CAMTA1: variants seen among roughly 807,000 people sequenced by gnomAD.
CAMTA1 encodes calmodulin-binding transcription activator 1.
CAMTA1 carries 27 observed loss-of-function variants against 170.9 expected under a neutral mutation model. That is an observed-to-expected ratio of 0.16 (90% CI 0.12 to 0.22). CAMTA1 has a LOEUF of 0.22. Ranked by LOEUF, CAMTA1 falls within the 10% of genes least tolerant of loss-of-function variation. The pLI, the probability that CAMTA1 is intolerant of heterozygous loss-of-function variation, is 1.00. For missense variants in CAMTA1, 1,619 were observed against 2,217.2 expected, an observed-to-expected ratio of 0.73 and a Z score of 5.42; for synonymous variants, 833 against 891.5, an observed-to-expected ratio of 0.93 and a Z score of 1.17.
chr1:7,371,010 C>T (rs2086416366), intron 5 of CAMTA1, among the ~76,000 whole-genome samples: 1 of 150,070 alleles, frequency 6.7e-6, no homozygotes, highest in South Asian at 2.1e-4. Flanking sequence ...CTCCCAGGTT[C>T]ACACCATTCT....
rs572541100 is a variant in CAMTA1, at chr1:7,302,471, A to G, written c.438+52845A>G. Among the ~76,000 whole-genome samples the G allele has an allele frequency of 5.5e-4, 84 of 152,352 alleles. 1 individual carries two copies. In the Middle Eastern group the frequency reaches 0.014, roughly 25 times the overall value. ...CTGTGACATGAGAAATACCCGAAAT[A>G]TGGGCTGCCACGGTGGCTGTCATTA... is the stretch of plus-strand genomic sequence containing the variant. On this transcript the variant is annotated intron_variant, in intron 5 of 22. Transcript: ENST00000303635.
intron 7 of CAMTA1, among the ~76,000 whole-genome samples, chr1:7,655,322 C>T (rs1576633689): frequency 7.1e-6 from 1 of 140,500 alleles, no homozygotes; most frequent in East Asian, 2.3e-4. Flanking sequence ...TTATACACAC[C>T]TATACACACA....
At chr1:7,030,949 C>T (rs1702704625) in intron 3 of CAMTA1, among the ~76,000 whole-genome samples, 2 of 151,514 alleles carry the variant, frequency 1.3e-5, no homozygotes, top group South Asian at 4.2e-4. Context: ...ATTCTCCTGC[C>T]TCAGCCTCCC....
intron 4 of CAMTA1, among the ~76,000 whole-genome samples, chr1:7,232,347 C>A (rs565110717): frequency 6.6e-6 from 1 of 152,320 alleles, no homozygotes; most frequent in East Asian, 1.9e-4. Flanking sequence ...GCACCGACAT[C>A]TGCCTGTTCA....
In CAMTA1 at chr1:7,580,667, CCCCGAGGCTGGCTG is replaced by C. The variant is rs2095252691; in HGVS notation, c.511-59732_511-59719del. Among the ~76,000 whole-genome samples, 2 of 152,114 alleles carry C rather than the reference CCCCGAGGCTGGCTG, an allele frequency of 1.3e-5. No homozygotes were observed. Among genetic ancestry groups the C allele is most frequent in the African/African-American group, 4.8e-5 (2 of 41,426 alleles). On this transcript the variant is annotated intron_variant, in intron 6 of 22. Transcript: ENST00000303635. The surrounding 1 kb of genome is among the most constrained non-coding windows in gnomAD (Gnocchi z 4.3). ...GCACCAAAGGTCCCTGGGCACCTGG[CCCCGAGGCTGGCTG>C]TGCCCAGCACTGTGCAAAATCCCTC...
chr1:7,164,970 C>T (rs1171255930), intron 4 of CAMTA1, among the ~76,000 whole-genome samples: 1 of 152,326 alleles, frequency 6.6e-6, no homozygotes, highest in African/African-American at 2.4e-5. Flanking sequence ...TCGGAATTGT[C>T]ACTTTTCTTT....
chr1:7,524,836 G>T (rs944812652), intron 6 of CAMTA1, among the ~76,000 whole-genome samples: 1 of 151,954 alleles, frequency 6.6e-6, no homozygotes, highest in Non-Finnish European at 1.5e-5. Context: ...TTTTTGACTC[G>T]CAATCCTGTC....
At chr1:7,245,423 A>T (rs1226956218) in intron 4 of CAMTA1, among the ~76,000 whole-genome samples, 1 of 151,802 alleles carries the variant, frequency 6.6e-6, no homozygotes, top group African/African-American at 2.4e-5. Flanking sequence ...CAGATCTTAT[A>T]GAAGATGTAT....
chr1:7,675,771 G>A lies in CAMTA1; in HGVS notation c.2780-1828G>A, dbSNP rs1327853663. Among the ~76,000 whole-genome samples, 3 of 152,166 alleles carry A rather than the reference G, an allele frequency of 2.0e-5. No individual in the cohort carries two copies. In the East Asian group the frequency reaches 5.8e-4, roughly 29 times the overall value. The stretch of plus-strand genomic sequence containing the variant: ...GCAATGGATGGACCCAGGACTTGCT[G>A]ATGGACTGCATGAGCGGGGAAGGGA... On this transcript the variant is annotated intron_variant, in intron 10 of 22. Transcript: ENST00000303635.
chr1:7,133,827 G>T (rs1003763420), intron 4 of CAMTA1, among the ~76,000 whole-genome samples: 65 of 152,082 alleles, frequency 4.3e-4, no homozygotes, highest in Admixed American at 1.9e-3. Context: ...CACACTTTTT[G>T]TTTTATTATT....
chr1:7,607,124 G>A (rs564161709), intron 6 of CAMTA1, among the ~76,000 whole-genome samples: 11 of 151,198 alleles, frequency 7.3e-5, no homozygotes, highest in African/African-American at 2.4e-4. Flanking sequence ...TGGAAGGATG[G>A]ATGGATGGAT....
Position 6,887,852 on chromosome 1 carries a change from G to A in CAMTA1, c.234+62642G>A, listed in dbSNP as rs1007805789. On this transcript the variant is annotated intron_variant, in intron 3 of 22. Coordinates refer to ENST00000303635, the MANE Select transcript of CAMTA1 (RefSeq NM_015215.4). The surrounding 1 kb of genome is among the most constrained non-coding windows in gnomAD (Gnocchi z 4.1). ...TCAAAACCCCAAATTAATTTGAACC[G>A]AATGTTACTAAAAATGAAATAGAAT... is the stretch of plus-strand genomic sequence containing the variant. 92 of 1,440,196 alleles carry A rather than the reference G, an allele frequency of 6.4e-5. No homozygotes were observed. Among genetic ancestry groups the A allele is most frequent in the Non-Finnish European group, 7.9e-5 (87 of 1,099,448 alleles). 89.2% of individuals were successfully genotyped at this position (1,440,196 alleles called of 1,614,324 possible). A position where few individuals can be genotyped will look rare whatever the true frequency, so the allele number is the denominator to read the frequency against.
At chr1:6,866,059 C>T (rs1666478501) in intron 3 of CAMTA1, among the ~76,000 whole-genome samples, 1 of 152,208 alleles carries the variant, frequency 6.6e-6, no homozygotes, top group Non-Finnish European at 1.5e-5. Flanking sequence ...GCTTTGACAT[C>T]TGTGACTTGG....
At chr1:7,627,071 G>T (rs2095638666) in intron 6 of CAMTA1, among the ~76,000 whole-genome samples, 1 of 152,190 alleles carries the variant, frequency 6.6e-6, no homozygotes, top group Non-Finnish European at 1.5e-5. Flanking sequence ...ATCCAATGTG[G>T]CAGGATGTGG....
At chr1:7,492,807 ATGCG>A (rs1557805299) in intron 6 of CAMTA1, among the ~76,000 whole-genome samples, 6 of 145,306 alleles carry the variant, frequency 4.1e-5, no homozygotes, top group African/African-American at 1.3e-4. Context: ...ACGTATACAC[ATGCG>A]CGCACAGACA....
intron 11 of CAMTA1, among the ~76,000 whole-genome samples, chr1:7,701,572 C>A (rs565251109): frequency 1.3e-5 from 2 of 151,978 alleles, no homozygotes; most frequent in African/African-American, 4.8e-5. Context: ...CACACCACCA[C>A]ACCCCGCTAA....
intron 6 of CAMTA1, among the ~76,000 whole-genome samples, chr1:7,528,263 C>T (rs1383726771): frequency 6.6e-6 from 1 of 152,098 alleles, no homozygotes; most frequent in Non-Finnish European, 1.5e-5. Context: ...AGGAAAAAGG[C>T]CTGGGGGAGT....
chr1:7,185,902 C>T (rs547075814), intron 4 of CAMTA1, among the ~76,000 whole-genome samples: 7 of 152,306 alleles, frequency 4.6e-5, no homozygotes, highest in Admixed American at 2.6e-4. Context: ...TGGATGTTCG[C>T]GTAATGCTGG....
intron 4 of CAMTA1, among the ~76,000 whole-genome samples, chr1:7,213,513 T>C (rs968025325): frequency 2.6e-5 from 4 of 152,190 alleles, no homozygotes; most frequent in Non-Finnish European, 4.4e-5. Context: ...ACCAGTCATT[T>C]TTCTGAGAGG....
Sources: allele counts gnomAD v4.1 joint callset (sites outside exome capture counted in the v4.1 genomes callset), GRCh38; gene constraint gnomAD v4.1.1; non-coding constraint Gnocchi (gnomAD v3.1); transcripts MANE v1.5; gene names NCBI Gene and HGNC (gene_info 2026-07-23, HGNC 2026-07-21).